Variants in NTMT1 observed in about 807,000 individuals in gnomAD.
The protein encoded by NTMT1 is N-terminal RCC1 methyltransferase.
In NTMT1, 8 loss-of-function variants were observed where a neutral mutation model predicts 17.5. That is an observed-to-expected ratio of 0.46 (90% confidence interval 0.27 to 0.82). NTMT1 has a LOEUF of 0.82. Ranked by LOEUF, NTMT1 falls within the 40% of genes least tolerant of loss-of-function variation. The pLI is 0.15. For missense variants in NTMT1, 221 were observed against 303.5 expected (o/e 0.73, Z 2.02); for synonymous variants, 128 against 126.8 (o/e 1.01, Z -0.06).
At chr9:129,628,208 A>G (rs1366457325) in intron 1 of NTMT1, among the ~76,000 whole-genome samples, 2 of 151,896 alleles carry the variant, frequency 1.3e-5, no homozygotes, top group African/African-American at 2.4e-5. Context: ...GTTCCCTCAG[A>G]CTCTTAGGGA....
chr9:129,633,327 C>G (rs1345998019), intron 2 of NTMT1: 2 of 275,328 alleles, frequency 7.3e-6, no homozygotes, highest in African/African-American at 4.4e-5. Context: ...ATGGCTGGCA[C>G]TGGAGGCTGC....
rs1410137731 is a variant in NTMT1, at chr9:129,620,197, G to A, written c.-55+11019G>A. ...CCTCCCTGGCCACGCGCCTCCGGGGGCGCTCGCGCTCTCCAGGCCCTGGCT... is the reference window on the plus strand; with the variant it reads ...CCTCCCTGGCCACGCGCCTCCGGGGACGCTCGCGCTCTCCAGGCCCTGGCT... On this transcript the variant is annotated intron_variant, in intron 1 of 3. Transcript: ENST00000372486. This position sits in a 1 kb window ranked among gnomAD's most constrained non-coding sequence, Gnocchi z 5.8. The A allele has an allele frequency of 2.8e-6, 4 of 1,448,570 alleles. No individual in the cohort carries two copies. Among genetic ancestry groups the A allele is most frequent in the South Asian group, 2.9e-5 (2 of 68,964 alleles). The allele number at this position is 1,448,570 out of a possible 1,614,324, so 89.7% of individuals were successfully genotyped here. A position where few individuals can be genotyped will look rare whatever the true frequency, so the allele number is the denominator to read the frequency against.
intron 1 of NTMT1, chr9:129,612,537 G>T: frequency 1.9e-6 from 2 of 1,047,206 alleles, no homozygotes; most frequent in Non-Finnish European, 2.9e-6. Flanking sequence ...CTGTGCTGAA[G>T]CCCTGTTGGG....
chr9:129,632,905 T>A, intron 2 of NTMT1, 40 bp downstream of exon 2: 1 of 1,601,328 alleles, frequency 6.2e-7, no homozygotes, highest in Non-Finnish European at 8.5e-7. Context: ...AGGCTGTGGC[T>A]CTGGTGGCAC....
chr9:129,609,665 G>T (rs930548093), intron 1 of NTMT1, among the ~76,000 whole-genome samples: 1 of 151,884 alleles, frequency 6.6e-6, no homozygotes. Context: ...GAGGGTGAGA[G>T]ATAGGCCCCC....
At chr9:129,610,295 G>GCCCC in intron 1 of NTMT1, among the ~76,000 whole-genome samples, 1 of 119,510 alleles carries the variant, frequency 8.4e-6, no homozygotes, top group African/African-American at 3.2e-5. Context: ...CTCCCTGCAG[G>GCCCC]CCCCGCCCCC....
intron 1 of NTMT1, among the ~76,000 whole-genome samples, chr9:129,609,708 C>T (rs1192504471): frequency 6.6e-6 from 1 of 152,082 alleles, no homozygotes; most frequent in African/African-American, 2.4e-5. Context: ...GGGGTTGGGT[C>T]CATCCCCTGA....
chr9:129,629,209 C>T (rs557262348), intron 1 of NTMT1, among the ~76,000 whole-genome samples: 6 of 152,148 alleles, frequency 3.9e-5, no homozygotes, highest in East Asian at 3.9e-4. Flanking sequence ...ATGGTTGCTC[C>T]GGTACCTGCT....
chr9:129,609,825 G>A (rs1436401698), intron 1 of NTMT1, among the ~76,000 whole-genome samples: 1 of 152,088 alleles, frequency 6.6e-6, no homozygotes, highest in East Asian at 2.0e-4. Context: ...CTCCAGGGCA[G>A]CAGATGACCC....
upstream of NTMT1, chr9:129,626,099 A>AG (rs576389788): frequency 1.3e-5 from 2 of 152,058 alleles, no homozygotes; most frequent in East Asian, 3.9e-4. Flanking sequence ...GAGCTGAGCG[A>AG]GGGGGTGGAG....
intron 1 of NTMT1, among the ~76,000 whole-genome samples, chr9:129,618,122 G>A (rs1197212521): frequency 6.6e-6 from 1 of 152,186 alleles, no homozygotes; most frequent in Non-Finnish European, 1.5e-5. Flanking sequence ...GAGGAAGAAT[G>A]ATATGTTTGT....
intron 1 of NTMT1, among the ~76,000 whole-genome samples, chr9:129,629,549 A>G (rs1831050604): frequency 6.6e-6 from 1 of 152,076 alleles, no homozygotes; most frequent in Non-Finnish European, 1.5e-5. Flanking sequence ...TTTTTGACAG[A>G]GATGGGGTTT....
chr9:129,632,178 T>G (rs1831202427), intron 1 of NTMT1, among the ~76,000 whole-genome samples: 1 of 150,824 alleles, frequency 6.6e-6, no homozygotes. Context: ...GCCAGGCACA[T>G]GGGCTCACAC....
chr9:129,635,169 T>C (rs968095149), intron 3 of NTMT1, 39 bp from the exon 4 acceptor site: 2 of 1,585,878 alleles, frequency 1.3e-6, no homozygotes, highest in Non-Finnish European at 1.7e-6. Context: ...GACATCCGCT[T>C]GCATGGTGCC....
Position 129,613,439 on chromosome 9 carries a change from C to T in NTMT1, c.-55+4261C>T. ...TCCGCTTCCCTGGAGCCTCACAGGCCAGCGCAGTCCCAACACGAGGAGCTG... is the reference window on the plus strand; with the variant it reads ...TCCGCTTCCCTGGAGCCTCACAGGCTAGCGCAGTCCCAACACGAGGAGCTG... On this transcript the variant is annotated intron_variant, in intron 1 of 3. Transcript: ENST00000372486. This position sits in a 1 kb window ranked among gnomAD's most constrained non-coding sequence, Gnocchi z 6.2. The T allele has an allele frequency of 1.9e-6, 3 of 1,613,898 alleles. No individual in the cohort carries two copies. Among genetic ancestry groups the T allele is most frequent in the Non-Finnish European group, 2.5e-6 (3 of 1,180,006 alleles).
intron 1 of NTMT1, chr9:129,619,931 G>T: frequency 6.7e-7 from 1 of 1,502,022 alleles, no homozygotes; most frequent in Non-Finnish European, 9.2e-7. Flanking sequence ...AGGACGGGTT[G>T]CGAGGGCTCT....
chr9:129,635,754 G>C lies in NTMT1; in HGVS notation c.*290G>C, dbSNP rs774392110. ...CCTGGTGCTCCCCATGTGGGAATAG[G>C]GTGGCCACATCAGTAACCGATTCCC... On this transcript the variant is annotated 3_prime_UTR_variant, in exon 4 of 4. Coordinates refer to ENST00000372483, the MANE Select transcript of NTMT1 (RefSeq NM_014064.4). The C allele has an allele frequency of 1.1e-4, 39 of 356,878 alleles. No individual in the cohort carries two copies. Among genetic ancestry groups the C allele is most frequent in the Non-Finnish European group, 6.2e-5 (12 of 194,304 alleles). The allele number at this position is 356,878 out of a possible 1,614,324, so 22.1% of individuals were successfully genotyped here. A position where few individuals can be genotyped will look rare whatever the true frequency, so the allele number is the denominator to read the frequency against.
At chr9:129,610,660 G>A (rs1830094787) in intron 1 of NTMT1, among the ~76,000 whole-genome samples, 1 of 151,984 alleles carries the variant, frequency 6.6e-6, no homozygotes, top group South Asian at 2.1e-4. Context: ...GCGAGAGGCT[G>A]AGAAGTTTCG....
chr9:129,619,620 G>T, intron 1 of NTMT1: 2 of 1,614,050 alleles, frequency 1.2e-6, no homozygotes, highest in Non-Finnish European at 1.7e-6. Flanking sequence ...CTATCCTGGA[G>T]GTGCGATGAC....
Sources: gnomAD v4.1 joint callset for allele counts (sites outside exome capture counted in the v4.1 genomes callset) on GRCh38, gnomAD v4.1.1 for gene constraint, Gnocchi (gnomAD v3.1) non-coding constraint, MANE v1.5 for transcripts, NCBI Gene and HGNC (gene_info 2026-07-23, HGNC 2026-07-21) for gene names.